Variants in RBM47 observed in about 807,000 individuals in gnomAD.
The protein encoded by RBM47 is RNA binding motif protein 47.
Under a neutral mutation model 47.1 loss-of-function variants are expected in RBM47, and 21 were observed. The observed-to-expected ratio is 0.45, with a 90% confidence interval of 0.32 to 0.64. RBM47 has a LOEUF of 0.64. Ranked by LOEUF, RBM47 falls within the 30% of genes least tolerant of loss-of-function variation. RBM47 has a pLI of 0.05. For missense variants in RBM47, 708 were observed against 870.9 expected (o/e 0.81, Z 2.35); for synonymous variants, 375 against 361.7 (o/e 1.04, Z -0.42).
intron 1 of RBM47, among the ~76,000 whole-genome samples, chr4:40,573,917 T>C (rs1732043929): frequency 6.6e-6 from 1 of 151,838 alleles, no homozygotes; most frequent in South Asian, 2.1e-4. Flanking sequence ...TAATCATAAT[T>C]TCCATTTCTG....
intron 2 of RBM47, among the ~76,000 whole-genome samples, chr4:40,522,712 A>C (rs1726313474): frequency 6.6e-6 from 1 of 152,164 alleles, no homozygotes; most frequent in Non-Finnish European, 1.5e-5. Flanking sequence ...AGCAAATATG[A>C]GCATACAGCT....
intron 3 of RBM47, among the ~76,000 whole-genome samples, chr4:40,453,164 A>G (rs1022024865): frequency 6.6e-6 from 1 of 152,106 alleles, no homozygotes; most frequent in Non-Finnish European, 1.5e-5. Context: ...AACATAATTA[A>G]TAGCGATAAA....
chr4:40,507,926 C>G (rs1724345061), intron 2 of RBM47, among the ~76,000 whole-genome samples: 1 of 151,960 alleles, frequency 6.6e-6, no homozygotes, highest in East Asian at 1.9e-4. Context: ...ATTAGCCAGG[C>G]GTGGTGGCGC....
chr4:40,577,625 C>T (rs1223867622), intron 1 of RBM47, among the ~76,000 whole-genome samples: 10 of 141,896 alleles, frequency 7.0e-5, no homozygotes, highest in Middle Eastern at 3.5e-3. Flanking sequence ...TCCTGATCCT[C>T]CCTTATGGTA....
intron 2 of RBM47, among the ~76,000 whole-genome samples, chr4:40,508,102 G>T (rs1724374920): frequency 6.6e-6 from 1 of 152,176 alleles, no homozygotes; most frequent in Admixed American, 6.5e-5. Flanking sequence ...CGTAAAACCT[G>T]AGCCTCAGAA....
intron 5 of RBM47, among the ~76,000 whole-genome samples, chr4:40,433,626 G>A (rs1168383078): frequency 2.0e-5 from 3 of 152,040 alleles, no homozygotes; most frequent in Admixed American, 6.6e-5. Flanking sequence ...ATTACCAGCC[G>A]CACTGCCTTT....
At chr4:40,556,669 C>T (rs984636209) in intron 1 of RBM47, among the ~76,000 whole-genome samples, 3 of 152,044 alleles carry the variant, frequency 2.0e-5, no homozygotes, top group African/African-American at 7.2e-5. Context: ...GCGGGAGGAT[C>T]ACTTGAGCTC....
intron 1 of RBM47, among the ~76,000 whole-genome samples, chr4:40,621,997 T>C (rs13152696): frequency 0.26 from 40,152 of 151,988 alleles, 5,470 homozygotes; most frequent in South Asian, 0.34. Flanking sequence ...CAGAAAGGTA[T>C]GTTCGTGGTT....
At chr4:40,531,346 T>G (rs563030426) in intron 2 of RBM47, among the ~76,000 whole-genome samples, 1 of 151,872 alleles carries the variant, frequency 6.6e-6, no homozygotes, top group East Asian at 1.9e-4. Flanking sequence ...GAGTATGGGG[T>G]TCTCTGTATA....
At chr4:40,534,804 G>A (rs563736861) in intron 2 of RBM47, among the ~76,000 whole-genome samples, 1 of 152,016 alleles carries the variant, frequency 6.6e-6, no homozygotes, top group African/African-American at 2.4e-5. Context: ...GCATGGTGGC[G>A]GGCGCCTGTA....
At chr4:40,460,888 CAA>C (rs35536750) in intron 3 of RBM47, among the ~76,000 whole-genome samples, 9,847 of 92,476 alleles carry the variant, frequency 0.11, 231 homozygotes, top group South Asian at 0.25. Context: ...GACTCTGTCT[CAA>C]AAAAAAAAAA....
chr4:40,562,632 A>G (rs1333685010), intron 1 of RBM47, among the ~76,000 whole-genome samples: 1 of 151,826 alleles, frequency 6.6e-6, no homozygotes, highest in African/African-American at 2.4e-5. Flanking sequence ...CGCCCGGCTA[A>G]TTTTTGTATT....
chr4:40,552,636 C>T (rs953153024), intron 1 of RBM47, among the ~76,000 whole-genome samples: 1 of 152,162 alleles, frequency 6.6e-6, no homozygotes. Context: ...CAAAACCCTC[C>T]AATGGCATGT....
At chr4:40,585,000 A>G (rs1733405954) in intron 1 of RBM47, among the ~76,000 whole-genome samples, 1 of 152,214 alleles carries the variant, frequency 6.6e-6, no homozygotes, top group Admixed American at 6.5e-5. Flanking sequence ...GTTCCACTAA[A>G]GTTGCACAAC....
intron 1 of RBM47, among the ~76,000 whole-genome samples, chr4:40,627,981 AATTG>A (rs1180494294): frequency 3.9e-5 from 6 of 152,242 alleles, no homozygotes; most frequent in African/African-American, 1.4e-4. Context: ...AATCTTTAAT[AATTG>A]ATTGATATTC....
intron 2 of RBM47, among the ~76,000 whole-genome samples, chr4:40,481,445 GTATTATTAT>G (rs71647001): frequency 0.037 from 4,736 of 126,892 alleles, 275 homozygotes; most frequent in African/African-American, 0.12. Flanking sequence ...GCTAATTTTT[GTATTATTAT>G]TATTATTATT....
chr4:40,506,529 T>A (rs923118451), intron 2 of RBM47, among the ~76,000 whole-genome samples: 2 of 152,226 alleles, frequency 1.3e-5, no homozygotes, highest in African/African-American at 4.8e-5. Context: ...AGAAAGCCAC[T>A]GCACTGGGAA....
At chr4:40,506,636 C>A (rs983159319) in intron 2 of RBM47, among the ~76,000 whole-genome samples, 11 of 152,216 alleles carry the variant, frequency 7.2e-5, no homozygotes, top group African/African-American at 2.4e-4. Flanking sequence ...TTGTACTCAA[C>A]TGGCTTCCAA....
chr4:40,519,297 C>CTTTTTT (rs374404085), intron 2 of RBM47, among the ~76,000 whole-genome samples: 1 of 130,102 alleles, frequency 7.7e-6, no homozygotes, highest in Non-Finnish European at 1.6e-5. Context: ...CTCCTTCAAT[C>CTTTTTT]TTTTTTTTTT....
Sources: allele counts gnomAD v4.1 joint callset (sites outside exome capture counted in the v4.1 genomes callset), GRCh38; gene constraint gnomAD v4.1.1; transcripts MANE v1.5; gene names NCBI Gene and HGNC (gene_info 2026-07-23, HGNC 2026-07-21).